The following SNX24 variants were observed in gnomAD, a reference collection of about 807,000 sequenced individuals.
SNX24 encodes the protein sorting nexin 24.
SNX24 carries 22 observed loss-of-function variants against 28.7 expected under a neutral mutation model. The ratio of observed to expected loss-of-function variants is 0.77; its 90% confidence interval spans 0.55 to 1.10. SNX24 has a LOEUF of 1.10. SNX24 is among the 50% of genes least tolerant of loss of function. SNX24 has a pLI of 0.00. For synonymous variants in SNX24, 69 were observed against 71.5 expected, an observed-to-expected ratio of 0.96 and a Z score of 0.18; for missense variants, 221 against 201.1, an observed-to-expected ratio of 1.10 and a Z score of -0.60.
chr5:122,929,410 G>A (rs555776121), intron 1 of SNX24, among the ~76,000 whole-genome samples: 2 of 151,996 alleles, frequency 1.3e-5, no homozygotes, highest in African/African-American at 2.4e-5. Flanking sequence ...GGAAAAAGAA[G>A]CATTTTATAT....
At chr5:122,932,858 CAAAAAAAAAAA>C (rs57930558) in intron 1 of SNX24, among the ~76,000 whole-genome samples, 1 of 88,016 alleles carries the variant, frequency 1.1e-5, no homozygotes, top group Non-Finnish European at 2.2e-5. Context: ...GACTCTGTCT[CAAAAAAAAAAA>C]AAAAAAAAAA....
chr5:122,847,167 T>C (rs1003057097), intron 1 of SNX24, among the ~76,000 whole-genome samples: 1 of 152,202 alleles, frequency 6.6e-6, no homozygotes. Context: ...AAGTTGATCT[T>C]ACCGGTTCAA....
chr5:122,871,532 C>T (rs543243194), intron 1 of SNX24, among the ~76,000 whole-genome samples: 11 of 152,064 alleles, frequency 7.2e-5, no homozygotes, highest in African/African-American at 1.7e-4. Context: ...CTTTGGGAGG[C>T]GGAGGTGGGT....
chr5:122,963,781 G>A (rs1033496459), intron 3 of SNX24, among the ~76,000 whole-genome samples: 3 of 152,186 alleles, frequency 2.0e-5, no homozygotes, highest in African/African-American at 7.2e-5. Context: ...ACTTTCTAAT[G>A]TAAGTAGTCT....
At chr5:122,938,892 A>G (rs1389507118) in intron 2 of SNX24, among the ~76,000 whole-genome samples, 1 of 76,242 alleles carries the variant, frequency 1.3e-5, no homozygotes, top group Non-Finnish European at 2.3e-5. Context: ...GTGAGCCGAG[A>G]TCGCGCCACT....
intron 1 of SNX24, among the ~76,000 whole-genome samples, chr5:122,870,662 A>G (rs1199310488): frequency 6.6e-6 from 1 of 152,210 alleles, no homozygotes; most frequent in Non-Finnish European, 1.5e-5. Flanking sequence ...AATCATAGGA[A>G]TGATTCTTTA....
At chr5:122,908,327 GC>G (rs1485894600) in intron 1 of SNX24, among the ~76,000 whole-genome samples, 1 of 152,196 alleles carries the variant, frequency 6.6e-6, no homozygotes, top group African/African-American at 2.4e-5. Context: ...AAACTTGACA[GC>G]TCACCCAGAG....
intron 1 of SNX24, among the ~76,000 whole-genome samples, chr5:122,925,949 A>G (rs1758675769): frequency 6.6e-6 from 1 of 152,226 alleles, no homozygotes; most frequent in South Asian, 2.1e-4. Context: ...CAAACAGACA[A>G]TAAACCAACC....
chr5:122,919,752 A>G (rs543989060), intron 1 of SNX24, among the ~76,000 whole-genome samples: 16 of 152,336 alleles, frequency 1.1e-4, no homozygotes, highest in African/African-American at 3.6e-4. Context: ...ACAGTAAGCC[A>G]GGAGACAGGC....
At chr5:122,943,224 C>A (rs1759537644) in intron 2 of SNX24, among the ~76,000 whole-genome samples, 1 of 152,158 alleles carries the variant, frequency 6.6e-6, no homozygotes, top group Non-Finnish European at 1.5e-5. Context: ...GAATCAGTCT[C>A]ATCACTATAT....
intron 1 of SNX24, among the ~76,000 whole-genome samples, chr5:122,936,159 C>T (rs1329539286): frequency 2.0e-5 from 3 of 152,164 alleles, no homozygotes; most frequent in Admixed American, 6.5e-5. Flanking sequence ...CAAGCTGTCA[C>T]TTGTATCATG....
chr5:122,917,809 G>A (rs1018758391), intron 1 of SNX24, among the ~76,000 whole-genome samples: 15 of 152,254 alleles, frequency 9.9e-5, no homozygotes, highest in African/African-American at 2.6e-4. Flanking sequence ...GGCCGGGTGC[G>A]GTGGCTTACA....
intron 3 of SNX24, among the ~76,000 whole-genome samples, chr5:122,947,103 C>G (rs762891590): frequency 1.1e-4 from 17 of 152,180 alleles, no homozygotes; most frequent in Non-Finnish European, 2.2e-4. Flanking sequence ...AGCTGGACTC[C>G]CACCTAAGAG....
At chr5:122,856,315 A>C (rs924599376) in intron 1 of SNX24, among the ~76,000 whole-genome samples, 7 of 152,008 alleles carry the variant, frequency 4.6e-5, no homozygotes, top group African/African-American at 1.7e-4. Context: ...GTTTTTCTTT[A>C]TGGCTGCACA....
chr5:123,001,425 C>CT lies in SNX24; in HGVS notation c.366dup (p.Glu123Ter). 6.2e-7 allele frequency: 1 copy of CT among 1,605,722 alleles called. No individual in the cohort carries two copies. Among genetic ancestry groups the CT allele is most frequent in the Non-Finnish European group, 8.5e-7 (1 of 1,173,536 alleles). On this transcript the variant is annotated frameshift_variant, in exon 5 of 7. Coordinates refer to ENST00000261369, the MANE Select transcript of SNX24 (RefSeq NM_014035.4). LOFTEE classifies it high-confidence loss of function. Reference sequence around the variant, plus strand: ...TTTAGATCTTTTGATGAAACAGAGTCTGAAGAGTCAAGGTAAGGACTAATC... The same window carrying CT: ...TTTAGATCTTTTGATGAAACAGAGTCTTGAAGAGTCAAGGTAAGGACTAATC...
intron 3 of SNX24, among the ~76,000 whole-genome samples, chr5:122,951,059 A>G (rs1489162770): frequency 6.6e-6 from 1 of 152,078 alleles, no homozygotes; most frequent in African/African-American, 2.4e-5. Flanking sequence ...CGAGGTCAGG[A>G]GTTCAAGACC....
chr5:122,973,884 G>C (rs1267336068), intron 3 of SNX24, among the ~76,000 whole-genome samples: 1 of 152,194 alleles, frequency 6.6e-6, no homozygotes, highest in Non-Finnish European at 1.5e-5. Context: ...TCACCTATGA[G>C]GGCCTGCCAA....
intron 1 of SNX24, among the ~76,000 whole-genome samples, chr5:122,867,084 A>G (rs1362738364): frequency 6.6e-6 from 1 of 152,200 alleles, no homozygotes; most frequent in African/African-American, 2.4e-5. Flanking sequence ...GATTGAGAGC[A>G]TATATAGCCT....
At chr5:122,873,827 G>A (rs1213083407) in intron 1 of SNX24, among the ~76,000 whole-genome samples, 4 of 147,390 alleles carry the variant, frequency 2.7e-5, no homozygotes, top group Admixed American at 6.9e-5. Context: ...GTGCAATGGC[G>A]CAATCTCGGC....
Sources: allele counts gnomAD v4.1 joint callset (sites outside exome capture counted in the v4.1 genomes callset), GRCh38; gene constraint gnomAD v4.1.1; transcripts MANE v1.5; gene names NCBI Gene and HGNC (gene_info 2026-07-23, HGNC 2026-07-21).